Variants in MTFR1 observed in about 807,000 individuals in gnomAD.
The protein encoded by MTFR1 is chondrocyte protein with a poly-proline region.
Under a neutral mutation model 38.8 loss-of-function variants are expected in MTFR1, and 28 were observed. The ratio of observed to expected loss-of-function variants is 0.72; its 90% confidence interval spans 0.53 to 0.99. The LOEUF is 0.99. Ranked by LOEUF, MTFR1 falls within the 50% of genes least tolerant of loss-of-function variation. The pLI, the probability that MTFR1 is intolerant of heterozygous loss-of-function variation, is 0.00. For synonymous variants in MTFR1, 145 were observed against 137.0 expected (o/e 1.06, Z -0.41); for missense variants, 358 against 395.5 (o/e 0.91, Z 0.81).
intron 1 of MTFR1, among the ~76,000 whole-genome samples, chr8:65,649,119 C>T (rs1308758707): frequency 6.6e-6 from 1 of 152,006 alleles, no homozygotes; most frequent in Admixed American, 6.6e-5. Flanking sequence ...AAGTAATCTA[C>T]AGATGACTTC....
At chr8:65,668,537 T>TTA (rs1297205804) in intron 1 of MTFR1, among the ~76,000 whole-genome samples, 2 of 149,002 alleles carry the variant, frequency 1.3e-5, no homozygotes, top group Non-Finnish European at 3.0e-5. Flanking sequence ...TTTTTTTTTT[T>TTA]TTTTTAAGAC....
At chr8:65,645,280 G>A (rs1808923298) in intron 1 of MTFR1, among the ~76,000 whole-genome samples, 2 of 152,244 alleles carry the variant, frequency 1.3e-5, no homozygotes, top group Admixed American at 1.3e-4. Context: ...GATCCGCCGG[G>A]AAGTTTAACC....
At chr8:65,694,081 T>TC (rs1245969193) in intron 4 of MTFR1, among the ~76,000 whole-genome samples, 1 of 150,166 alleles carries the variant, frequency 6.7e-6, no homozygotes, top group Non-Finnish European at 1.5e-5. Flanking sequence ...TCTTTTTTTT[T>TC]TTTTTTTTTT....
chr8:65,694,500 T>C (rs1475979184), intron 4 of MTFR1, among the ~76,000 whole-genome samples: 5 of 152,226 alleles, frequency 3.3e-5, no homozygotes, highest in Non-Finnish European at 5.9e-5. Context: ...AAGTCCTCAT[T>C]GACAGAATTC....
chr8:65,707,716 T>G lies in MTFR1; in HGVS notation c.765-127T>G, dbSNP rs1039652715. ...GCTTCCATCTCAATGCTAGCAGTAT[T>G]TATCAGGTCTCTATGGAGTAGCTAT... On this transcript the variant is annotated intron_variant, in intron 6 of 7. Transcript: ENST00000262146. 3.4e-6 allele frequency: 4 copies of G among 1,182,480 alleles called. No individual in the cohort carries two copies. In the Admixed American group the frequency reaches 1.1e-4, roughly 32 times the overall value. 73.2% of individuals were successfully genotyped at this position (1,182,480 alleles called of 1,614,324 possible). A position where few individuals can be genotyped will look rare whatever the true frequency, so the allele number is the denominator to read the frequency against.
At chr8:65,727,104 C>T in intron 3 of MTFR1, 1 of 1,119,284 alleles carries the variant, frequency 8.9e-7, no homozygotes, top group Non-Finnish European at 1.3e-6. Context: ...ACTTTCATTT[C>T]TTCAAAATAT....
At chr8:65,767,433 T>C (rs1808847275) in intron 3 of MTFR1, among the ~76,000 whole-genome samples, 1 of 152,222 alleles carries the variant, frequency 6.6e-6, no homozygotes, top group Admixed American at 6.5e-5. Context: ...TCATCCACAG[T>C]CCCAGGCTAA....
chr8:65,659,220 A>C (rs955602078), intron 1 of MTFR1, among the ~76,000 whole-genome samples: 12 of 151,632 alleles, frequency 7.9e-5, no homozygotes, highest in African/African-American at 2.4e-4. Context: ...TACCACTCTT[A>C]TTTTTCTACT....
intron 3 of MTFR1, among the ~76,000 whole-genome samples, chr8:65,739,011 C>T (rs1807275165): frequency 6.6e-6 from 1 of 152,230 alleles, no homozygotes; most frequent in Non-Finnish European, 1.5e-5. Flanking sequence ...TGGCCACTTG[C>T]TGCATGCAGA....
downstream of MTFR1, among the ~76,000 whole-genome samples, chr8:65,775,936 TTTCTTTGTAGCAAAAG>T (rs1809247243): frequency 6.6e-6 from 1 of 152,136 alleles, no homozygotes; most frequent in Non-Finnish European, 1.5e-5. Context: ...CCTCTTCCCT[TTTCTTTGTAGCAAAAG>T]TCTCTAAAAG....
In MTFR1 at chr8:65,682,408, G is replaced by T; in HGVS notation, c.122G>T (p.Gly41Val). Reference sequence around the variant, plus strand: ...TCTCGAAGTATCGTAAGGAAAATTGGTACTAATTTGTCTCTGATTCAGTGT... The same window carrying T: ...TCTCGAAGTATCGTAAGGAAAATTGTTACTAATTTGTCTCTGATTCAGTGT... The part of the protein sequence containing the change: ...GSSRSIVRKI[G>V]TNLSLIQCPR... The change falls in exon 3 of 8, where the codon GGT becomes GTT. Residue 41 changes from glycine (G) to valine (V), a missense_variant. Gly to Val is a moderately radical substitution (Grantham distance 109). Transcript: ENST00000262146. 3 of 1,566,328 alleles carry T rather than the reference G, an allele frequency of 1.9e-6. No individual in the cohort carries two copies. Among genetic ancestry groups the T allele is most frequent in the Non-Finnish European group, 2.6e-6 (3 of 1,155,404 alleles).
chr8:65,655,778 T>G (rs1343214956), intron 1 of MTFR1, among the ~76,000 whole-genome samples: 1 of 150,780 alleles, frequency 6.6e-6, no homozygotes, highest in Admixed American at 6.6e-5. Flanking sequence ...TGTGAAACCC[T>G]GTCTTTACTA....
chr8:65,710,929 A>G (rs1381280750), downstream of MTFR1, among the ~76,000 whole-genome samples: 1 of 152,120 alleles, frequency 6.6e-6, no homozygotes, highest in Non-Finnish European at 1.5e-5. Flanking sequence ...TGAGAAAGAA[A>G]GGTAACTAAC....
chr8:65,759,831 A>T (rs1189312207), intron 3 of MTFR1, among the ~76,000 whole-genome samples: 1 of 151,994 alleles, frequency 6.6e-6, no homozygotes, highest in Non-Finnish European at 1.5e-5. Context: ...AGAAACAACC[A>T]TTGTTAACAC....
intron 3 of MTFR1, among the ~76,000 whole-genome samples, chr8:65,691,419 C>T (rs1257007482): frequency 6.6e-6 from 1 of 152,080 alleles, no homozygotes; most frequent in Non-Finnish European, 1.5e-5. Context: ...TCCCAAGTAG[C>T]TGTGACTACA....
chr8:65,644,960 G>T (rs1400937259), intron 1 of MTFR1, among the ~76,000 whole-genome samples, 176 bp downstream of exon 1: 1 of 152,212 alleles, frequency 6.6e-6, no homozygotes, highest in African/African-American at 2.4e-5. Context: ...CCCCGCGGCC[G>T]GGAGGCAGAG....
chr8:65,775,260 T>C (rs1430727639), downstream of MTFR1, among the ~76,000 whole-genome samples: 5 of 152,244 alleles, frequency 3.3e-5, no homozygotes. Flanking sequence ...TTTATTTTAG[T>C]TTACTAGTTC....
intron 4 of MTFR1, among the ~76,000 whole-genome samples, chr8:65,703,419 GTTTTTTTTTTTTTTTT>G (rs553260839): frequency 1.2e-4 from 6 of 50,940 alleles, no homozygotes; most frequent in Admixed American, 3.0e-4. Flanking sequence ...GATGTCTCTG[GTTTTTTTTTTTTTTTT>G]TTTTTTTTTT....
intron 3 of MTFR1, among the ~76,000 whole-genome samples, chr8:65,740,422 A>G (rs1039099055): frequency 3.3e-5 from 5 of 151,870 alleles, no homozygotes; most frequent in Admixed American, 6.6e-5. Context: ...CTTTTTTGAG[A>G]TGGAGTCCAG....
Sources: allele counts gnomAD v4.1 joint callset (sites outside exome capture counted in the v4.1 genomes callset), GRCh38; gene constraint gnomAD v4.1.1; transcripts MANE v1.5; gene names NCBI Gene and HGNC (gene_info 2026-07-23, HGNC 2026-07-21).